CFAP54: variants seen among roughly 807,000 people sequenced by gnomAD.
CFAP54 encodes the protein cilia and flagella associated protein 54.
In CFAP54, 290 loss-of-function variants were observed where a neutral mutation model predicts 370.4. The observed-to-expected ratio is 0.78, with a 90% CI of 0.71 to 0.86. The LOEUF (loss-of-function observed/expected upper bound fraction) is 0.86. CFAP54 is among the 40% of genes least tolerant of loss of function. The probability of loss-of-function intolerance (pLI) is 0.00; values close to 1 mark genes in which losing one functional copy is unlikely to be tolerated. For missense variants in CFAP54, 3,399 were observed against 3,528.7 expected (o/e 0.96, Z 0.93); for synonymous variants, 1,206 against 1,236.5 (o/e 0.98, Z 0.52).
At chr12:96,538,316 A>G in intron 12 of CFAP54, 68 bp from the exon 13 acceptor site, 2 of 1,311,886 alleles carry the variant, frequency 1.5e-6, no homozygotes, top group Non-Finnish European at 2.1e-6. Flanking sequence ...GTTTCTCAGC[A>G]CACAGTAAAT....
chr12:96,674,983 C>T (rs1478405085), intron 39 of CFAP54, among the ~76,000 whole-genome samples: 1 of 152,006 alleles, frequency 6.6e-6, no homozygotes, highest in Non-Finnish European at 1.5e-5. Context: ...CCATAAAAAC[C>T]CTAGAAGAAA....
chr12:96,730,454 G>C (rs1957908148), intron 50 of CFAP54, among the ~76,000 whole-genome samples: 1 of 152,102 alleles, frequency 6.6e-6, no homozygotes. Context: ...ACTGTTCAAA[G>C]ATAGGAAGGA....
chr12:96,785,292 G>C (rs927801813), intron 61 of CFAP54, among the ~76,000 whole-genome samples: 1 of 151,984 alleles, frequency 6.6e-6, no homozygotes, highest in African/African-American at 2.4e-5. Context: ...ACTTCAGATG[G>C]CATATTAATT....
chr12:96,738,929 A>G (rs1465939812), intron 50 of CFAP54, among the ~76,000 whole-genome samples: 1 of 152,130 alleles, frequency 6.6e-6, no homozygotes, highest in Non-Finnish European at 1.5e-5. Context: ...CTTTTTACAG[A>G]AACAACAGTC....
rs575584928 is a variant in CFAP54, at chr12:96,651,634, G to C, written c.4919G>C (p.Cys1640Ser). Residue 1640 changes from cysteine (C) to serine (S), a missense_variant, in exon 36 of 68, where the codon TGT becomes TCT. Physicochemically the swap from Cys to Ser is moderately radical, Grantham distance 112. Coordinates refer to ENST00000524981, the MANE Select transcript of CFAP54 (RefSeq NM_001306084.2). ...GGYWTLLQNCCRALWNFTQEL... is the reference protein window; with the variant it reads ...GGYWTLLQNCSRALWNFTQEL... Reference sequence around the variant, plus strand: ...TATTGGACTCTGCTTCAGAACTGCTGTCGGGCCTTATGGAACTTTACTCAG... The same window carrying C: ...TATTGGACTCTGCTTCAGAACTGCTCTCGGGCCTTATGGAACTTTACTCAG... 11 of 1,614,160 alleles carry C rather than the reference G, an allele frequency of 6.8e-6. No individual in the cohort carries two copies. Among genetic ancestry groups the C allele is most frequent in the Admixed American group, 1.7e-5 (1 of 60,018 alleles).
chr12:96,750,732 A>T (rs916300272), intron 55 of CFAP54, among the ~76,000 whole-genome samples: 1 of 152,178 alleles, frequency 6.6e-6, no homozygotes, highest in African/African-American at 2.4e-5. Context: ...AATCTTGAGG[A>T]TGTGTCACCA....
At chr12:96,551,795 T>G (rs1166507107) in intron 15 of CFAP54, among the ~76,000 whole-genome samples, 4 of 152,152 alleles carry the variant, frequency 2.6e-5, no homozygotes, top group Non-Finnish European at 5.9e-5. Context: ...AGACCTTGAG[T>G]AAATGCTATA....
intron 8 of CFAP54, 43 bp downstream of exon 8, chr12:96,522,232 G>A: frequency 7.8e-7 from 1 of 1,286,228 alleles, no homozygotes; most frequent in South Asian, 1.4e-5. Flanking sequence ...TCTTTTTGCA[G>A]TATATTTGTA....
intron 32 of CFAP54, among the ~76,000 whole-genome samples, chr12:96,635,504 T>A (rs1956654595): frequency 6.6e-6 from 1 of 152,222 alleles, no homozygotes; most frequent in Non-Finnish European, 1.5e-5. Flanking sequence ...CAGCCCCATA[T>A]GCACTTCATG....
intron 15 of CFAP54, among the ~76,000 whole-genome samples, chr12:96,553,401 A>G (rs540458563): frequency 6.6e-6 from 1 of 151,612 alleles, no homozygotes; most frequent in African/African-American, 2.4e-5. Flanking sequence ...ACATGCACAA[A>G]ATAGTAAAAC....
chr12:96,620,922 T>C (rs1956480027), intron 26 of CFAP54, among the ~76,000 whole-genome samples: 1 of 152,216 alleles, frequency 6.6e-6, no homozygotes, highest in Non-Finnish European at 1.5e-5. Flanking sequence ...CAATATTTTG[T>C]AAGATTAAAG....
rs79700321 is a variant in CFAP54 at position 96,778,231 on chromosome 12, C to T, written c.8282-6486C>T. On this transcript the variant is annotated intron_variant, in intron 60 of 67. Coordinates refer to ENST00000524981, the MANE Select transcript of CFAP54 (RefSeq NM_001306084.2). ...ATTACTGCAAATGGAATATTTAGGT[C>T]TTAGACCTCAGGATGTGCATTCATC... Among the ~76,000 whole-genome samples, 1,442 of 152,196 alleles carry T rather than the reference C, an allele frequency of 9.5e-3. 54 individuals are homozygous for T. The East Asian group carries it at 0.1, about 11-fold the overall frequency.
chr12:96,798,115 A>G (rs73383037), intron 63 of CFAP54, among the ~76,000 whole-genome samples: 4,824 of 152,132 alleles, frequency 0.032, 245 homozygotes, highest in African/African-American at 0.11. Flanking sequence ...TTAACCCAAA[A>G]TAATAGTATT....
chr12:96,512,546 T>A (rs1364352701), intron 4 of CFAP54, among the ~76,000 whole-genome samples: 2 of 151,710 alleles, frequency 1.3e-5, no homozygotes, highest in African/African-American at 2.4e-5. Flanking sequence ...TTTTACCATA[T>A]TGGACAGGCT....
chr12:96,706,788 ATGTGTG>A (rs140060456), intron 47 of CFAP54, among the ~76,000 whole-genome samples: 1 of 138,882 alleles, frequency 7.2e-6, no homozygotes, highest in South Asian at 3.1e-4. Context: ...TTGTGTGTGT[ATGTGTG>A]TGTGTGTGTG....
chr12:96,489,818 C>T lies in CFAP54; in HGVS notation c.209C>T (p.Pro70Leu). Residue 70 changes from proline to leucine, a missense_variant, in exon 1 of 68, where the codon CCG becomes CTG. Pro to Leu is a moderately conservative substitution (Grantham distance 98). This residue lies in a region of CFAP54 where 559 missense variants were observed against 576.7 expected (regional missense o/e 0.97). Transcript: ENST00000524981. ...TATGGGCCGCTGGACGCGAAAAACC[C>T]GCTCCTGGCCTCTTGTGAGAAGGAG... The part of the protein sequence containing the change: ...VFYGPLDAKN[P>L]LLASCEKEIQ... 1 of 1,536,128 alleles carries T rather than the reference C, an allele frequency of 6.5e-7. No homozygotes were observed. Among genetic ancestry groups the T allele is most frequent in the Non-Finnish European group, 8.7e-7 (1 of 1,146,918 alleles).
At chr12:96,527,204 G>A (rs1376842183) in intron 8 of CFAP54, 42 bp from the exon 9 acceptor site, 2 of 1,467,874 alleles carry the variant, frequency 1.4e-6, no homozygotes, top group East Asian at 5.0e-5. Flanking sequence ...CAATATAATA[G>A]CTTTAACAAA....
At chr12:96,674,832 C>T (rs1405410015) in intron 39 of CFAP54, among the ~76,000 whole-genome samples, 2 of 152,134 alleles carry the variant, frequency 1.3e-5, no homozygotes, top group Admixed American at 6.5e-5. Context: ...TACTTGTGAG[C>T]ACTCAATTTA....
At chr12:96,651,501 C>T (rs920930786) in intron 35 of CFAP54, 87 bp from the exon 36 acceptor site, 1 of 1,036,832 alleles carries the variant, frequency 9.6e-7, no homozygotes, top group African/African-American at 1.6e-5. Flanking sequence ...TTACTATTGA[C>T]ACATAATATT....
Sources: allele counts gnomAD v4.1 joint callset (sites outside exome capture counted in the v4.1 genomes callset), GRCh38; gene constraint gnomAD v4.1.1; regional missense constraint gnomAD v4.1.1; transcripts MANE v1.5; gene names NCBI Gene and HGNC (gene_info 2026-07-23, HGNC 2026-07-21).